RBM17: variants seen among roughly 807,000 people sequenced by gnomAD.
The protein encoded by RBM17 is RNA binding motif protein 17, also known as splicing factor 45.
In RBM17, 7 loss-of-function variants were observed where a neutral mutation model predicts 53.2. The ratio of observed to expected loss-of-function variants is 0.13; its 90% CI spans 0.07 to 0.25. RBM17 has a LOEUF of 0.25. Ranked by LOEUF, RBM17 falls within the 10% of genes least tolerant of loss-of-function variation. RBM17 has a pLI of 1.00. For missense variants in RBM17, 257 were observed against 496.7 expected, an observed-to-expected ratio of 0.52 and a Z score of 4.59; for synonymous variants, 167 against 178.1, an observed-to-expected ratio of 0.94 and a Z score of 0.50.
At chr10:6,101,071 G>A (rs1398609032) in intron 2 of RBM17, among the ~76,000 whole-genome samples, 200 bp from the exon 3 acceptor site, 6 of 152,088 alleles carry the variant, frequency 3.9e-5, no homozygotes, top group African/African-American at 1.2e-4. Flanking sequence ...CAGAAATGGA[G>A]AAAATCTCAT....
In RBM17 at chr10:6,109,206, A is replaced by G. The variant is rs78693596; in HGVS notation, c.562+464A>G. On this transcript the variant is annotated intron_variant, in intron 6 of 11. Transcript: ENST00000379888. ...TTGCGTTGCCAAAACACCCTCACCC[A>G]CTGTTCCTTCTCGCAGTGATCTGCT... Among the ~76,000 whole-genome samples the G allele has an allele frequency of 5.7e-3, 861 of 152,100 alleles. 2 individuals carry two copies. Among genetic ancestry groups the G allele is most frequent in the Middle Eastern group, 0.01 (3 of 294 alleles).
Position 6,106,088 on chromosome 10 carries a change from G to C in RBM17, c.408-53G>C, listed in dbSNP as rs1840744451. ...TCAAGAGGAAGTCATCCCAGGTTCA[G>C]GTCTCTAAATTGGTTCATCTGTGAT... is the stretch of plus-strand genomic sequence containing the variant. On this transcript the variant is annotated intron_variant, in intron 4 of 11. Transcript: ENST00000379888. 21 of 1,259,744 alleles carry C rather than the reference G, an allele frequency of 1.7e-5. No individual in the cohort carries two copies. In the South Asian group the frequency reaches 2.3e-4, roughly 14 times the overall value. The allele number at this position is 1,259,744 out of a possible 1,614,324, so 78.0% of individuals were successfully genotyped here.
intron 5 of RBM17, chr10:6,108,390 T>G (rs746612357): frequency 7.2e-6 from 3 of 414,912 alleles, no homozygotes; most frequent in Non-Finnish European, 8.6e-6. Flanking sequence ...AACTGCTGGT[T>G]CTCTTGGTTG....
chr10:6,094,449 G>A (rs537664509), intron 1 of RBM17, among the ~76,000 whole-genome samples: 2 of 152,180 alleles, frequency 1.3e-5, no homozygotes, highest in South Asian at 2.1e-4. Flanking sequence ...CCAGAAAGTC[G>A]CATTGTTTAT....
At chr10:6,114,188 A>G (rs1472415968) in intron 10 of RBM17, 41 bp downstream of exon 10, 16 of 1,174,776 alleles carry the variant, frequency 1.4e-5, no homozygotes, top group Non-Finnish European at 1.9e-5. Context: ...ACAAGTTGTA[A>G]TTGGCACATT....
chr10:6,090,538 ATTG>A (rs1179220929), intron 1 of RBM17, among the ~76,000 whole-genome samples: 4 of 152,338 alleles, frequency 2.6e-5, no homozygotes, highest in Middle Eastern at 3.4e-3. Context: ...TCTTGAGAGA[ATTG>A]TTGTACACTT....
At chr10:6,108,821 C>T (rs1216442949) in intron 6 of RBM17, 79 bp downstream of exon 6, 5 of 1,170,326 alleles carry the variant, frequency 4.3e-6, no homozygotes, top group Non-Finnish European at 1.3e-6. Context: ...CTTGGGCCCC[C>T]AGGTTTCCTG....
intron 2 of RBM17, among the ~76,000 whole-genome samples, chr10:6,098,556 GTTT>G (rs1221504658): frequency 1.1e-5 from 1 of 87,976 alleles, no homozygotes; most frequent in Non-Finnish European, 2.3e-5. Flanking sequence ...TAATACACAG[GTTT>G]TTTGTTTTTT....
intron 5 of RBM17, among the ~76,000 whole-genome samples, chr10:6,108,175 T>A (rs1046327998): frequency 6.6e-6 from 1 of 152,214 alleles, no homozygotes; most frequent in African/African-American, 2.4e-5. Context: ...AGGAGCGTGC[T>A]GTGTGGTGGG....
intron 1 of RBM17, among the ~76,000 whole-genome samples, chr10:6,095,678 C>T (rs184677411): frequency 7.2e-5 from 11 of 152,248 alleles, no homozygotes; most frequent in Non-Finnish European, 1.2e-4. Context: ...ATGGAAGAAA[C>T]TAAAAAGTGG....
chr10:6,112,267 G>A lies in RBM17; in HGVS notation c.762G>A (p.Leu254=), dbSNP rs761827908. 5 of 1,613,838 alleles carry A rather than the reference G, an allele frequency of 3.1e-6. No homozygotes were observed. The highest frequency in any genetic ancestry group is 1.7e-5 in the Admixed American group (1 of 60,002). Residue 254 remains leucine, a synonymous_variant, in exon 8 of 12, where the codon CTG becomes CTA. Coordinates refer to ENST00000379888, the MANE Select transcript of RBM17 (RefSeq NM_032905.5). This position sits in a 1 kb window ranked among gnomAD's most constrained non-coding sequence, Gnocchi z 4.4. ...QKYGFREGQG[L]GKHEQGLSTA... The stretch of plus-strand genomic sequence containing the variant: ...ACGGCTTCCGGGAGGGCCAGGGTCT[G>A]GGGAAGCATGAGCAGGGCCTGAGCA...
At position 6,115,608 on chromosome 10, in the gene RBM17, G is replaced by A. The variant is rs781017607; in HGVS notation, c.*52G>A. The A allele has an allele frequency of 8.5e-7, 1 of 1,182,258 alleles. No homozygotes were observed. Among genetic ancestry groups the A allele is most frequent in the Non-Finnish European group, 1.3e-6 (1 of 791,854 alleles). 73.2% of individuals were successfully genotyped at this position (1,182,258 alleles called of 1,614,324 possible). On this transcript the variant is annotated 3_prime_UTR_variant, in exon 12 of 12. Transcript: ENST00000379888. ...TCCGGTGATCCTTAAATGAACTGCA[G>A]GCTGAGAAAAGAAGGAAAAAGGTCA... is the stretch of plus-strand genomic sequence containing the variant.
intron 2 of RBM17, among the ~76,000 whole-genome samples, chr10:6,100,747 A>G (rs935833708): frequency 5.9e-5 from 9 of 152,196 alleles, no homozygotes; most frequent in African/African-American, 2.2e-4. Flanking sequence ...GGGAAATGAC[A>G]TGGGAATTAG....
At chr10:6,102,880 GCCT>G (rs1476629922) in intron 3 of RBM17, among the ~76,000 whole-genome samples, 1 of 152,128 alleles carries the variant, frequency 6.6e-6, no homozygotes, top group African/African-American at 2.4e-5. Flanking sequence ...GCTCACTGCA[GCCT>G]CCTCCTCCTG....
In RBM17 at chr10:6,097,113, A is replaced by G. The variant is rs777403381; in HGVS notation, c.48A>G (p.Thr16=). 6.2e-7 allele frequency: 1 copy of G among 1,614,060 alleles called. No homozygotes were observed. Residue 16 remains threonine, a synonymous_variant, in exon 2 of 12, where the codon ACA becomes ACG. Coordinates refer to ENST00000379888, the MANE Select transcript of RBM17 (RefSeq NM_032905.5). ...GAGTGGAGACCAGTGACTCAAAAAC[A>G]GAAGGCTGGTCCAAAAACTTCAAAC... ...DLGVETSDSK[T]EGWSKNFKLL...
chr10:6,107,485 T>TTTTTTTG (rs1473249246), intron 5 of RBM17, among the ~76,000 whole-genome samples: 1 of 127,440 alleles, frequency 7.8e-6, no homozygotes, highest in African/African-American at 2.9e-5. Flanking sequence ...GCCTCTTTTT[T>TTTTTTTG]TTTTTTTTTT....
chr10:6,096,408 C>G (rs1840575383), intron 1 of RBM17, among the ~76,000 whole-genome samples: 1 of 152,186 alleles, frequency 6.6e-6, no homozygotes, highest in African/African-American at 2.4e-5. Flanking sequence ...TTCCTCTGTT[C>G]TGCACGGAAG....
rs143144670 is a variant in RBM17 at position 6,095,315 on chromosome 10, C to A, written c.-18-1733C>A. On this transcript the variant is annotated intron_variant, in intron 1 of 11. Coordinates refer to ENST00000379888, the MANE Select transcript of RBM17 (RefSeq NM_032905.5). Reference sequence around the variant, plus strand: ...GCAACATCCATCTCCCGGGTTCAGGCGATTATCATGCCTCACCCTCCGGAG... The same window carrying A: ...GCAACATCCATCTCCCGGGTTCAGGAGATTATCATGCCTCACCCTCCGGAG... Among the ~76,000 whole-genome samples the A allele has an allele frequency of 8.2e-4, 125 of 152,082 alleles. 1 individual carries two copies. Among genetic ancestry groups the A allele is most frequent in the African/African-American group, 3.0e-3 (123 of 41,466 alleles).
chr10:6,110,918 TG>T, intron 7 of RBM17, among the ~76,000 whole-genome samples: 1 of 152,102 alleles, frequency 6.6e-6, no homozygotes, highest in South Asian at 2.1e-4. Flanking sequence ...GGAAGCTTTG[TG>T]TACTGGAGGG....
Sources: gnomAD v4.1 joint callset for allele counts (sites outside exome capture counted in the v4.1 genomes callset) on GRCh38, gnomAD v4.1.1 for gene constraint, Gnocchi (gnomAD v3.1) non-coding constraint, MANE v1.5 for transcripts, NCBI Gene and HGNC (gene_info 2026-07-23, HGNC 2026-07-21) for gene names.